The following NXPE4 variants were observed in gnomAD, a reference collection of about 807,000 sequenced individuals.
The protein encoded by NXPE4 is neurexophilin and PC-esterase domain family member 4.
Under a neutral mutation model 33.3 loss-of-function variants are expected in NXPE4, and 42 were observed. That is an observed-to-expected ratio of 1.26 (90% CI 0.98 to 1.63). The LOEUF is 1.63. Ranked by LOEUF, NXPE4 falls within the 40% of genes most tolerant of loss-of-function variation. The pLI is 0.00. For synonymous variants in NXPE4, 253 were observed against 234.9 expected, an observed-to-expected ratio of 1.08 and a Z score of -0.71; for missense variants, 709 against 647.6, an observed-to-expected ratio of 1.09 and a Z score of -1.03.
chr11:114,603,405 A>G, the NXPE4 span, among the ~76,000 whole-genome samples: 3 of 150,268 alleles, frequency 2.0e-5, no homozygotes, highest in Non-Finnish European at 4.4e-5. Context: ...AACACCTATT[A>G]CCTGGTGGAT....
At chr11:114,573,727 A>G (rs992631218) in intron 5 of NXPE4, among the ~76,000 whole-genome samples, 1 of 152,024 alleles carries the variant, frequency 6.6e-6, no homozygotes, top group Non-Finnish European at 1.5e-5. Flanking sequence ...CATTACTAAT[A>G]GACCAAAAAA....
the NXPE4 span, among the ~76,000 whole-genome samples, chr11:114,606,141 A>G: frequency 1.3e-4 from 20 of 151,852 alleles, 1 homozygote; most frequent in African/African-American, 4.8e-4. Flanking sequence ...TCTCTAGGGT[A>G]ACCACTGTTA....
At chr11:114,598,864 C>T (rs993749331), upstream of NXPE4, among the ~76,000 whole-genome samples, 1 of 152,134 alleles carries the variant, frequency 6.6e-6, no homozygotes, top group Non-Finnish European at 1.5e-5. Flanking sequence ...CACCTGCAGG[C>T]TTAACACCCT....
At chr11:114,586,712 C>G (rs1024541539) in intron 2 of NXPE4, among the ~76,000 whole-genome samples, 1 of 152,150 alleles carries the variant, frequency 6.6e-6, no homozygotes, top group African/African-American at 2.4e-5. Flanking sequence ...GGACTAATTC[C>G]AGCCTCCAAC....
At chr11:114,672,322 A>C in the NXPE4 span, among the ~76,000 whole-genome samples, 5 of 151,978 alleles carry the variant, frequency 3.3e-5, no homozygotes, top group African/African-American at 9.7e-5. Flanking sequence ...ACAATCCCTA[A>C]ATTTTTTCAA....
At chr11:114,677,700 G>A in the NXPE4 span, among the ~76,000 whole-genome samples, 1 of 152,086 alleles carries the variant, frequency 6.6e-6, no homozygotes, top group African/African-American at 2.4e-5. Flanking sequence ...CAAATGCTAT[G>A]TGTATATAAA....
the NXPE4 span, among the ~76,000 whole-genome samples, chr11:114,657,148 A>G: frequency 6.6e-6 from 1 of 152,116 alleles, no homozygotes; most frequent in Non-Finnish European, 1.5e-5. Context: ...TACTATACTC[A>G]TCCTCAGTTA....
the NXPE4 span, among the ~76,000 whole-genome samples, chr11:114,659,418 A>C: frequency 8.5e-6 from 1 of 117,552 alleles, no homozygotes; most frequent in East Asian, 2.8e-4. Flanking sequence ...GGTCAATGAA[A>C]ATTATTCTGT....
chr11:114,602,038 T>C, the NXPE4 span, among the ~76,000 whole-genome samples: 2 of 91,452 alleles, frequency 2.2e-5, no homozygotes, highest in Non-Finnish European at 3.7e-5. Context: ...TTATACTATA[T>C]AATATATATT....
the NXPE4 span, among the ~76,000 whole-genome samples, chr11:114,600,996 C>A: frequency 6.6e-6 from 1 of 151,974 alleles, no homozygotes; most frequent in Non-Finnish European, 1.5e-5. Context: ...TCCATCATTT[C>A]GAACAGGTTG....
the NXPE4 span, among the ~76,000 whole-genome samples, chr11:114,633,054 T>A: frequency 1.7e-5 from 2 of 115,834 alleles, no homozygotes; most frequent in South Asian, 2.4e-4. Flanking sequence ...ATTGCATTAT[T>A]ATTTTATATT....
At chr11:114,650,936 G>T in the NXPE4 span, among the ~76,000 whole-genome samples, 1 of 152,080 alleles carries the variant, frequency 6.6e-6, no homozygotes, top group Non-Finnish European at 1.5e-5. Context: ...TAACAGAGAT[G>T]GCTGAGAGCA....
intron 1 of NXPE4, among the ~76,000 whole-genome samples, chr11:114,595,131 C>G (rs1949551146): frequency 6.6e-6 from 1 of 152,148 alleles, no homozygotes; most frequent in Non-Finnish European, 1.5e-5. Flanking sequence ...AGGGCAGACA[C>G]AAAATACTCC....
At chr11:114,603,387 T>A in the NXPE4 span, among the ~76,000 whole-genome samples, 1 of 151,712 alleles carries the variant, frequency 6.6e-6, no homozygotes, top group South Asian at 2.1e-4. Flanking sequence ...TTTCCTCATC[T>A]CCTAGGTAAC....
intron 2 of NXPE4, among the ~76,000 whole-genome samples, chr11:114,586,287 G>A (rs1401388827): frequency 2.6e-5 from 4 of 152,096 alleles, no homozygotes; most frequent in Admixed American, 1.3e-4. Context: ...GATTTCCTTG[G>A]AGAGAGACAA....
chr11:114,639,879 A>AATATATATTATATTTTATATT, the NXPE4 span, among the ~76,000 whole-genome samples: 1 of 57,770 alleles, frequency 1.7e-5, no homozygotes, highest in Non-Finnish European at 2.9e-5. Context: ...TATTAAATAT[A>AATATATATTATATTTTATATT]AAATATGTTA....
At chr11:114,639,784 TAA>T in the NXPE4 span, among the ~76,000 whole-genome samples, 1 of 126,004 alleles carries the variant, frequency 7.9e-6, no homozygotes, top group African/African-American at 3.1e-5. Flanking sequence ...ATATAAAATA[TAA>T]TATATATTAT....
the NXPE4 span, among the ~76,000 whole-genome samples, chr11:114,653,648 CT>C: frequency 6.6e-6 from 1 of 151,170 alleles, no homozygotes; most frequent in African/African-American, 2.4e-5. Flanking sequence ...CTGCCTTAGC[CT>C]CCCGAGTAGC....
the NXPE4 span, among the ~76,000 whole-genome samples, chr11:114,621,173 G>A: frequency 1.3e-5 from 2 of 151,012 alleles, no homozygotes; most frequent in Admixed American, 1.3e-4. Flanking sequence ...GATAATTAGT[G>A]TTGCCTCGTG....
Sources: allele counts gnomAD v4.1 joint callset (sites outside exome capture counted in the v4.1 genomes callset), GRCh38; gene constraint gnomAD v4.1.1; transcripts MANE v1.5; gene names NCBI Gene and HGNC (gene_info 2026-07-23, HGNC 2026-07-21).